The following ZNF704 variants were observed in gnomAD, a reference collection of about 807,000 sequenced individuals.
ZNF704 encodes the protein zinc finger protein 704.
Under a neutral mutation model 44.7 loss-of-function variants are expected in ZNF704, and 10 were observed. That is an observed-to-expected ratio of 0.22 (90% confidence interval 0.14 to 0.38). ZNF704 has a LOEUF of 0.38. Among genes scored for constraint, ZNF704 ranks in the 10% least tolerant of loss-of-function variants. The probability of loss-of-function intolerance (pLI) is 1.00; values close to 1 mark genes in which losing one functional copy is unlikely to be tolerated. For missense variants in ZNF704, 390 were observed against 545.5 expected (o/e 0.71, Z 2.84); for synonymous variants, 211 against 207.6 (o/e 1.02, Z -0.14).
At chr8:80,711,285 G>C (rs1818981908) in intron 2 of ZNF704, among the ~76,000 whole-genome samples, 2 of 152,206 alleles carry the variant, frequency 1.3e-5, no homozygotes, top group African/African-American at 4.8e-5. Flanking sequence ...TGGCAGTGAT[G>C]ATTCTGACAG....
intron 2 of ZNF704, among the ~76,000 whole-genome samples, chr8:80,769,217 T>C (rs1423995719): frequency 2.0e-5 from 3 of 152,158 alleles, no homozygotes; most frequent in African/African-American, 7.2e-5. Flanking sequence ...AACTCCTGAT[T>C]TGGTGATTCT....
At chr8:80,852,529 A>G (rs1457472944) in intron 1 of ZNF704, among the ~76,000 whole-genome samples, 1 of 152,274 alleles carries the variant, frequency 6.6e-6, no homozygotes, top group African/African-American at 2.4e-5. Context: ...TAATTAAATT[A>G]TAACACAGAG....
chr8:80,776,001 G>GC (rs1487654447), intron 2 of ZNF704, among the ~76,000 whole-genome samples: 1 of 152,044 alleles, frequency 6.6e-6, no homozygotes, highest in Non-Finnish European at 1.5e-5. Flanking sequence ...CAAAAACTTC[G>GC]CACTTCAAAA....
chr8:80,865,306 C>T (rs929349335), intron 1 of ZNF704, among the ~76,000 whole-genome samples: 3 of 152,066 alleles, frequency 2.0e-5, no homozygotes, highest in Admixed American at 6.6e-5. Flanking sequence ...AACATGAAAG[C>T]GTAGAGACAG....
chr8:80,718,083 C>T (rs371390027), intron 2 of ZNF704, among the ~76,000 whole-genome samples: 15 of 152,212 alleles, frequency 9.9e-5, no homozygotes, highest in Admixed American at 7.8e-4. Flanking sequence ...CCAATGATCC[C>T]GTGCTCTAGG....
intron 2 of ZNF704, among the ~76,000 whole-genome samples, chr8:80,754,251 T>A (rs1015779664): frequency 2.6e-5 from 4 of 152,144 alleles, no homozygotes; most frequent in African/African-American, 7.2e-5. Context: ...AGCCAGTATC[T>A]CCCATAAATG....
At chr8:80,873,713 T>G (rs1303642314) in intron 1 of ZNF704, 2 of 154,082 alleles carry the variant, frequency 1.3e-5, no homozygotes, top group Non-Finnish European at 2.9e-5. Context: ...CCCTCGGGGC[T>G]TCTCCTCCAC....
chr8:80,840,592 C>A (rs1462836128), intron 1 of ZNF704, among the ~76,000 whole-genome samples: 1 of 152,112 alleles, frequency 6.6e-6, no homozygotes, highest in Non-Finnish European at 1.5e-5. Context: ...ACGAGAAAAT[C>A]CCCTGATCCT....
chr8:80,708,742 T>C (rs1818934800), intron 2 of ZNF704, among the ~76,000 whole-genome samples: 1 of 152,094 alleles, frequency 6.6e-6, no homozygotes, highest in African/African-American at 2.4e-5. Context: ...TCATTCAATC[T>C]ATCTTCCAGT....
chr8:80,712,111 C>T (rs753342230), intron 2 of ZNF704, among the ~76,000 whole-genome samples: 5 of 152,166 alleles, frequency 3.3e-5, no homozygotes, highest in Non-Finnish European at 7.3e-5. Context: ...AGGGCTCAGC[C>T]CTCAGGAATG....
chr8:80,660,470 C>CAAA (rs139254906), intron 6 of ZNF704, among the ~76,000 whole-genome samples: 2 of 76,970 alleles, frequency 2.6e-5, no homozygotes, highest in African/African-American at 7.8e-5. Context: ...AATCTTGTCT[C>CAAA]AAAAAAAAAA....
intron 2 of ZNF704, among the ~76,000 whole-genome samples, chr8:80,781,641 G>A (rs373195051): frequency 2.0e-3 from 311 of 152,282 alleles, no homozygotes; most frequent in African/African-American, 7.2e-3. Flanking sequence ...GAACCAGCCG[G>A]AGAGAAAGGA....
chr8:80,856,832 G>A (rs992986615), intron 1 of ZNF704, among the ~76,000 whole-genome samples: 1 of 152,050 alleles, frequency 6.6e-6, no homozygotes, highest in African/African-American at 2.4e-5. Context: ...TTAGATTATT[G>A]TAGTTATTTT....
chr8:80,782,609 T>C (rs576279475), intron 2 of ZNF704, among the ~76,000 whole-genome samples: 2 of 152,284 alleles, frequency 1.3e-5, no homozygotes, highest in Admixed American at 6.5e-5. Context: ...AACGTTAATA[T>C]ACAATAGTAG....
intron 2 of ZNF704, among the ~76,000 whole-genome samples, chr8:80,757,787 G>C (rs1288157439): frequency 1.3e-5 from 2 of 152,170 alleles, no homozygotes; most frequent in Non-Finnish European, 1.5e-5. Flanking sequence ...ACAATTGCCT[G>C]CAGTATTCCG....
chr8:80,687,096 G>A, intron 4 of ZNF704, 130 bp downstream of exon 4: 1 of 722,266 alleles, frequency 1.4e-6, no homozygotes, highest in Non-Finnish European at 2.3e-6. Context: ...ACATTAAAGA[G>A]GAACGTAAGC....
At chr8:80,878,333 ATTATG>A (rs1367227107), upstream of ZNF704, among the ~76,000 whole-genome samples, 1 of 151,980 alleles carries the variant, frequency 6.6e-6, no homozygotes. Flanking sequence ...TCAATTTGAC[ATTATG>A]TTCAGTGTTT....
At chr8:80,880,241 G>A in the ZNF704 span, among the ~76,000 whole-genome samples, 1 of 152,178 alleles carries the variant, frequency 6.6e-6, no homozygotes, top group Non-Finnish European at 1.5e-5. Flanking sequence ...CCCAGTGAAT[G>A]ATTTCTGGAT....
In ZNF704 at chr8:80,664,881, C is replaced by T. The variant is rs777851063; in HGVS notation, c.861G>A (p.Leu287=). ...GAGCTGAGCGGCTCAACGGCGTCAT[C>T]AACTTAGTCTCCGTTTTGGCACAAG... ...ETPCAKTETK[L]MTPLSRSAPT... is the part of the protein sequence containing the mutation. Residue 287 remains leucine, a synonymous_variant, in exon 6 of 9, where the codon TTG becomes TTA. Coordinates refer to ENST00000327835, the MANE Select transcript of ZNF704 (RefSeq NM_001033723.3). 13 of 1,614,186 alleles carry T rather than the reference C, an allele frequency of 8.1e-6. No homozygotes were observed. Among genetic ancestry groups the T allele is most frequent in the Admixed American group, 1.7e-5 (1 of 60,026 alleles).
Sources: gnomAD v4.1 joint callset for allele counts (sites outside exome capture counted in the v4.1 genomes callset) on GRCh38, gnomAD v4.1.1 for gene constraint, MANE v1.5 for transcripts, NCBI Gene and HGNC (gene_info 2026-07-23, HGNC 2026-07-21) for gene names.